The following CCDC171 variants were observed in gnomAD, a reference collection of about 807,000 sequenced individuals.
CCDC171 encodes the protein coiled-coil domain-containing protein 171.
Under a neutral mutation model 168.2 loss-of-function variants are expected in CCDC171, and 177 were observed. That is an observed-to-expected ratio of 1.05 (90% CI 0.93 to 1.19). The LOEUF is 1.19. Ranked by LOEUF, CCDC171 falls within the 50% of genes most tolerant of loss-of-function variation. CCDC171 has a pLI of 0.00. For missense variants in CCDC171, 1,991 were observed against 1,539.0 expected (o/e 1.29, Z -4.91); for synonymous variants, 687 against 540.8 (o/e 1.27, Z -3.75).
intron 7 of CCDC171, among the ~76,000 whole-genome samples, chr9:16,035,817 T>C (rs1833454699): frequency 6.6e-6 from 1 of 152,210 alleles, no homozygotes; most frequent in African/African-American, 2.4e-5. Flanking sequence ...CACTGGGCTA[T>C]GTTGTGTGGA....
At chr9:15,997,639 A>T (rs1462397234) in intron 3 of CCDC171, among the ~76,000 whole-genome samples, 1 of 151,996 alleles carries the variant, frequency 6.6e-6, no homozygotes, top group Non-Finnish European at 1.5e-5. Flanking sequence ...GCTATAAATG[A>T]TACTCACTCT....
chr9:15,953,443 A>AT (rs1255814445), intron 25 of CCDC171, among the ~76,000 whole-genome samples: 2 of 152,072 alleles, frequency 1.3e-5, no homozygotes, highest in Admixed American at 6.6e-5. Context: ...TGATCATGTG[A>AT]TTTTTAGCCT....
intron 25 of CCDC171, among the ~76,000 whole-genome samples, chr9:15,962,604 TG>T (rs1018231115): frequency 6.6e-6 from 1 of 152,162 alleles, no homozygotes; most frequent in African/African-American, 2.4e-5. Context: ...TGATTACTTG[TG>T]GGGGTTACCA....
At chr9:15,890,164 C>CTT (rs569385987) in intron 24 of CCDC171, among the ~76,000 whole-genome samples, 10 of 146,228 alleles carry the variant, frequency 6.8e-5, no homozygotes, top group East Asian at 2.0e-4. Flanking sequence ...GTAACTCAAA[C>CTT]TTTTTTTTTT....
chr9:15,560,723 T>C (rs2039226045), intron 1 of CCDC171, among the ~76,000 whole-genome samples: 1 of 152,168 alleles, frequency 6.6e-6, no homozygotes, highest in African/African-American at 2.4e-5. Context: ...TCTGAAGCCT[T>C]CTTCTCTTAA....
chr9:16,000,729 T>TTC (rs1491174595), intron 3 of CCDC171, among the ~76,000 whole-genome samples: 1 of 64,612 alleles, frequency 1.5e-5, no homozygotes, highest in Non-Finnish European at 4.3e-5. Flanking sequence ...AAGAAGAGAC[T>TTC]TTTTTTTTTT....
intron 3 of CCDC171, among the ~76,000 whole-genome samples, chr9:16,008,081 A>G (rs890911350): frequency 2.0e-5 from 3 of 152,168 alleles, no homozygotes; most frequent in Non-Finnish European, 4.4e-5. Context: ...TTCAACTTTA[A>G]TGACGTCAAG....
chr9:15,703,688 T>C (rs1407088251), intron 11 of CCDC171, among the ~76,000 whole-genome samples: 1 of 152,254 alleles, frequency 6.6e-6, no homozygotes. Flanking sequence ...TGTATTTGGC[T>C]ATTGTGAATA....
At chr9:15,560,589 G>T (rs1345552214) in intron 1 of CCDC171, among the ~76,000 whole-genome samples, 2 of 152,016 alleles carry the variant, frequency 1.3e-5, no homozygotes, top group African/African-American at 4.8e-5. Flanking sequence ...AGGTCATTCA[G>T]GGATTTCTCT....
chr9:15,745,466 T>G, intron 17 of CCDC171, 49 bp from the exon 18 acceptor site: 1 of 1,202,704 alleles, frequency 8.3e-7, no homozygotes, highest in Non-Finnish European at 1.2e-6. Context: ...AAATATAGAT[T>G]TTAATAAAGT....
intron 21 of CCDC171, among the ~76,000 whole-genome samples, chr9:15,845,883 A>G (rs1017343017): frequency 9.2e-5 from 14 of 152,066 alleles, no homozygotes; most frequent in African/African-American, 3.1e-4. Context: ...ACTTCTCTCA[A>G]TTGTGAGCTT....
At chr9:15,636,780 A>G (rs1294006520) in intron 7 of CCDC171, among the ~76,000 whole-genome samples, 4 of 147,868 alleles carry the variant, frequency 2.7e-5, no homozygotes, top group Non-Finnish European at 6.0e-5. Flanking sequence ...AAGGTTTAGG[A>G]TAGAGTTAAT....
At chr9:15,990,531 G>A (rs375372780) in intron 3 of CCDC171, among the ~76,000 whole-genome samples, 3 of 152,090 alleles carry the variant, frequency 2.0e-5, no homozygotes, top group South Asian at 2.1e-4. Context: ...CGAGCAAAAT[G>A]ACCAGCTAAC....
At chr9:15,715,770 T>G (rs1275851669) in intron 11 of CCDC171, among the ~76,000 whole-genome samples, 1 of 152,190 alleles carries the variant, frequency 6.6e-6, no homozygotes, top group Non-Finnish European at 1.5e-5. Flanking sequence ...AAGTTACTGT[T>G]TTTTTCTGTA....
At chr9:15,792,826 C>T (rs890302059) in intron 21 of CCDC171, among the ~76,000 whole-genome samples, 1 of 152,166 alleles carries the variant, frequency 6.6e-6, no homozygotes, top group East Asian at 1.9e-4. Flanking sequence ...GAAGGAAGCA[C>T]TAAACATGGA....
chr9:15,702,291 C>T (rs1251447260), intron 11 of CCDC171, among the ~76,000 whole-genome samples: 1 of 152,058 alleles, frequency 6.6e-6, no homozygotes, highest in African/African-American at 2.4e-5. Context: ...TCCTGTGGCC[C>T]TTAAGAATTA....
At chr9:16,000,346 A>C (rs1310289315) in intron 3 of CCDC171, among the ~76,000 whole-genome samples, 2 of 151,956 alleles carry the variant, frequency 1.3e-5, no homozygotes, top group African/African-American at 2.4e-5. Flanking sequence ...GTTTTTTGTT[A>C]CCTCTCCCCT....
intron 25 of CCDC171, among the ~76,000 whole-genome samples, chr9:15,945,686 TA>T (rs1284666860): frequency 1.3e-5 from 2 of 150,568 alleles, no homozygotes; most frequent in Non-Finnish European, 3.0e-5. Context: ...TTCTTTTGAG[TA>T]GTGTCTGTTC....
At chr9:15,688,442 C>G (rs981964616) in intron 10 of CCDC171, among the ~76,000 whole-genome samples, 1 of 152,088 alleles carries the variant, frequency 6.6e-6, no homozygotes, top group African/African-American at 2.4e-5. Context: ...ACTAGCCTCC[C>G]TTTTGAATGT....
Sources: allele counts gnomAD v4.1 joint callset (sites outside exome capture counted in the v4.1 genomes callset), GRCh38; gene constraint gnomAD v4.1.1; transcripts MANE v1.5; gene names NCBI Gene and HGNC (gene_info 2026-07-23, HGNC 2026-07-21).